The following F13A1 variants were observed in gnomAD, a reference collection of about 807,000 sequenced individuals.
F13A1 encodes the protein coagulation factor XIII A chain.
In F13A1, 47 loss-of-function variants were observed where a neutral mutation model predicts 80.1. The ratio of observed to expected loss-of-function variants is 0.59; its 90% CI spans 0.46 to 0.75. The LOEUF (loss-of-function observed/expected upper bound fraction) is 0.75. Among genes scored for constraint, F13A1 ranks in the 30% least tolerant of loss-of-function variants. The probability of loss-of-function intolerance (pLI) is 0.00; values close to 1 mark genes in which losing one functional copy is unlikely to be tolerated. For synonymous variants in F13A1, 349 were observed against 344.9 expected (o/e 1.01, Z -0.13); for missense variants, 817 against 930.4 (o/e 0.88, Z 1.59).
intron 3 of F13A1, among the ~76,000 whole-genome samples, chr6:6,304,083 T>A (rs1383962006): frequency 6.6e-6 from 1 of 152,178 alleles, no homozygotes; most frequent in Admixed American, 6.5e-5. Context: ...ACCTTTAAAG[T>A]ACTTCTTTTT....
At chr6:6,266,902 A>T (rs1757853449) in intron 3 of F13A1, 93 bp from the exon 4 acceptor site, 8 of 1,519,148 alleles carry the variant, frequency 5.3e-6, no homozygotes, top group Non-Finnish European at 4.6e-6. Flanking sequence ...GGACAGGAGT[A>T]ATCCATTAGA....
At chr6:6,197,357 C>T (rs1273854579) in intron 8 of F13A1, 31 bp from the exon 9 acceptor site, 2 of 1,587,086 alleles carry the variant, frequency 1.3e-6, no homozygotes, top group Non-Finnish European at 1.7e-6. Context: ...AAAGGTTAAA[C>T]TTCCCATCAC....
chr6:6,317,030 A>G (rs1284550320), intron 2 of F13A1, among the ~76,000 whole-genome samples: 1 of 152,082 alleles, frequency 6.6e-6, no homozygotes, highest in Non-Finnish European at 1.5e-5. Flanking sequence ...CGGTTGTGTC[A>G]TTACTCCTCC....
At chr6:6,213,552 C>T (rs1483538253) in intron 8 of F13A1, among the ~76,000 whole-genome samples, 26 of 142,446 alleles carry the variant, frequency 1.8e-4, no homozygotes, top group African/African-American at 5.2e-4. Flanking sequence ...AAGGAACAAC[C>T]GGTACCAGCC....
chr6:6,315,586 C>T (rs771422783), intron 2 of F13A1, among the ~76,000 whole-genome samples: 5 of 152,104 alleles, frequency 3.3e-5, no homozygotes, highest in African/African-American at 9.7e-5. Flanking sequence ...CTCAGTATAC[C>T]TTAGAACACT....
intron 13 of F13A1, among the ~76,000 whole-genome samples, chr6:6,165,291 G>C (rs934711160): frequency 6.6e-6 from 1 of 152,148 alleles, no homozygotes; most frequent in African/African-American, 2.4e-5. Flanking sequence ...TGTGGGATAA[G>C]GTATTCTGAT....
At chr6:6,282,856 A>G (rs1019285861) in intron 3 of F13A1, among the ~76,000 whole-genome samples, 1 of 152,196 alleles carries the variant, frequency 6.6e-6, no homozygotes. Context: ...AGTTTCACAG[A>G]GGGTCATCTG....
At chr6:6,220,019 T>C (rs1309086531) in intron 8 of F13A1, among the ~76,000 whole-genome samples, 1 of 152,070 alleles carries the variant, frequency 6.6e-6, no homozygotes, top group African/African-American at 2.4e-5. Flanking sequence ...CACAGAGAGG[T>C]TGTGCCTTGC....
chr6:6,286,322 G>A (rs1177371563), intron 3 of F13A1, among the ~76,000 whole-genome samples: 1 of 152,184 alleles, frequency 6.6e-6, no homozygotes, highest in Non-Finnish European at 1.5e-5. Flanking sequence ...GGAAGTGGAG[G>A]TTGCAGTAAG....
intron 3 of F13A1, among the ~76,000 whole-genome samples, chr6:6,294,522 ACT>A (rs1162570746): frequency 7.0e-6 from 1 of 143,878 alleles, no homozygotes; most frequent in Non-Finnish European, 1.5e-5. Context: ...TACACACAAC[ACT>A]CACACACACA....
chr6:6,205,659 G>C (rs900168028), intron 8 of F13A1, among the ~76,000 whole-genome samples: 19 of 152,012 alleles, frequency 1.2e-4, no homozygotes, highest in African/African-American at 4.1e-4. Context: ...TGATTATCCA[G>C]CTTTCTTTTT....
At chr6:6,234,620 T>A (rs1757392414) in intron 6 of F13A1, among the ~76,000 whole-genome samples, 1 of 151,948 alleles carries the variant, frequency 6.6e-6, no homozygotes, top group South Asian at 2.1e-4. Context: ...AGAGGAACAG[T>A]GAAAATGGTA....
At chr6:6,227,974 G>A (rs1311105844) in intron 6 of F13A1, among the ~76,000 whole-genome samples, 2 of 152,198 alleles carry the variant, frequency 1.3e-5, no homozygotes, top group African/African-American at 4.8e-5. Context: ...TAAGTTTTTA[G>A]TGACAGATGT....
chr6:6,231,118 A>G (rs1282115370), intron 6 of F13A1, among the ~76,000 whole-genome samples: 1 of 152,234 alleles, frequency 6.6e-6, no homozygotes, highest in Admixed American at 6.5e-5. Flanking sequence ...GTTAGTTATT[A>G]AGCCAAACAG....
At chr6:6,211,324 A>G (rs1469280643) in intron 8 of F13A1, among the ~76,000 whole-genome samples, 1 of 152,224 alleles carries the variant, frequency 6.6e-6, no homozygotes, top group Non-Finnish European at 1.5e-5. Flanking sequence ...TCAGTCCTCT[A>G]ATGCTAAGGC....
At chr6:6,299,383 C>T (rs1418170323) in intron 3 of F13A1, among the ~76,000 whole-genome samples, 8 of 131,266 alleles carry the variant, frequency 6.1e-5, no homozygotes, top group Non-Finnish European at 3.1e-5. Flanking sequence ...CTTTCAGGTA[C>T]ACCAATCAGA....
At chr6:6,215,246 A>C (rs1423132204) in intron 8 of F13A1, among the ~76,000 whole-genome samples, 1 of 131,004 alleles carries the variant, frequency 7.6e-6, no homozygotes, top group East Asian at 2.1e-4. Flanking sequence ...ATTTTAGACC[A>C]ATATCCTTGA....
chr6:6,276,624 A>G (rs775358223), intron 3 of F13A1, among the ~76,000 whole-genome samples: 2 of 151,982 alleles, frequency 1.3e-5, no homozygotes, highest in Non-Finnish European at 2.9e-5. Flanking sequence ...TAGGCTACAT[A>G]GCTATCAGGA....
At position 6,203,129 on chromosome 6, in the gene F13A1, T is replaced by C. The variant is rs183058224; in HGVS notation, c.1113-5803A>G. ...AGTATTTTGAAACAGAATAGAATGC[T>C]ATTCAGCCATAAAAATGCAGATCTA... is the stretch of plus-strand genomic sequence containing the variant. On this transcript the variant is annotated intron_variant, in intron 8 of 14. Transcript: ENST00000264870. Among the ~76,000 whole-genome samples, 139 of 152,376 alleles carry C rather than the reference T, an allele frequency of 9.1e-4. 1 individual carries two copies. Among genetic ancestry groups the C allele is most frequent in the African/African-American group, 3.1e-3 (129 of 41,596 alleles).
Sources: gnomAD v4.1 joint callset for allele counts (sites outside exome capture counted in the v4.1 genomes callset) on GRCh38, gnomAD v4.1.1 for gene constraint, MANE v1.5 for transcripts, NCBI Gene and HGNC (gene_info 2026-07-23, HGNC 2026-07-21) for gene names.